MBNL2: variants seen among roughly 807,000 people sequenced by gnomAD.
MBNL2 encodes muscleblind like splicing regulator 2, also known as muscleblind-like protein 2.
MBNL2 carries 17 observed loss-of-function variants against 41.9 expected under a neutral mutation model. The ratio of observed to expected loss-of-function variants is 0.41; its 90% CI spans 0.28 to 0.61. The LOEUF (loss-of-function observed/expected upper bound fraction) is 0.61. Among genes scored for constraint, MBNL2 ranks in the 20% least tolerant of loss-of-function variants. MBNL2 has a pLI of 0.35. For synonymous variants in MBNL2, 195 were observed against 182.9 expected (o/e 1.07, Z -0.53); for missense variants, 336 against 505.6 (o/e 0.66, Z 3.22).
chr13:97,162,064 A>G, the MBNL2 span, among the ~76,000 whole-genome samples: 1 of 152,180 alleles, frequency 6.6e-6, no homozygotes, highest in Non-Finnish European at 1.5e-5. Context: ...GCAAAGAGGA[A>G]GCTGACTGGC....
At chr13:97,369,328 A>G (rs1005584518) in intron 8 of MBNL2, among the ~76,000 whole-genome samples, 1 of 152,220 alleles carries the variant, frequency 6.6e-6, no homozygotes, top group Non-Finnish European at 1.5e-5. Context: ...TTGTGAAAGG[A>G]GGAGTAGAAC....
At chr13:97,292,200 CAAAAAAAAAAA>C (rs34473435) in intron 2 of MBNL2, among the ~76,000 whole-genome samples, 1 of 69,504 alleles carries the variant, frequency 1.4e-5, no homozygotes, top group Non-Finnish European at 3.1e-5. Context: ...GACTCCATCT[CAAAAAAAAAAA>C]AAAAAAAAAA....
the MBNL2 span, among the ~76,000 whole-genome samples, chr13:97,185,793 A>AGGCTT: frequency 6.6e-6 from 1 of 152,206 alleles, no homozygotes; most frequent in Non-Finnish European, 1.5e-5. Context: ...TTAAGCCACT[A>AGGCTT]GGCTTGTGTT....
At chr13:97,387,677 A>G (rs1240254750) in intron 8 of MBNL2, among the ~76,000 whole-genome samples, 1 of 152,194 alleles carries the variant, frequency 6.6e-6, no homozygotes, top group Non-Finnish European at 1.5e-5. Context: ...GCAGAGTGAC[A>G]TCTCCAAACT....
At chr13:97,169,632 C>A in the MBNL2 span, among the ~76,000 whole-genome samples, 2 of 152,182 alleles carry the variant, frequency 1.3e-5, no homozygotes, top group Non-Finnish European at 2.9e-5. Flanking sequence ...AATAGTCTTT[C>A]GCATTTGAAG....
chr13:97,297,662 A>T (rs1417762659), intron 2 of MBNL2, among the ~76,000 whole-genome samples: 1 of 152,144 alleles, frequency 6.6e-6, no homozygotes, highest in South Asian at 2.1e-4. Flanking sequence ...AAGACGACCC[A>T]TCAGACCACT....
rs145688607 is a variant in MBNL2 at position 97,277,360 on chromosome 13, G to A, written c.174+951G>A. On this transcript the variant is annotated intron_variant, in intron 2 of 8. Coordinates refer to ENST00000679496, the MANE Select transcript of MBNL2 (RefSeq NM_001382683.1). ...AAGGCACATAGGTTAAAAGAGCTCA[G>A]TGTTTACATCTCTGCAAGACTTCAG... Among the ~76,000 whole-genome samples, 957 of 152,276 alleles carry A rather than the reference G, an allele frequency of 6.3e-3. 8 individuals are homozygous for A. The highest frequency in any genetic ancestry group is 0.022 in the African/African-American group (911 of 41,544).
chr13:97,220,051 G>C (rs1358187928), upstream of MBNL2, among the ~76,000 whole-genome samples: 1 of 152,198 alleles, frequency 6.6e-6, no homozygotes, highest in Non-Finnish European at 1.5e-5. Flanking sequence ...CAGGTTTTTA[G>C]CTCATGCAGT....
At chr13:97,184,285 G>A in the MBNL2 span, among the ~76,000 whole-genome samples, 1 of 152,068 alleles carries the variant, frequency 6.6e-6, no homozygotes, top group African/African-American at 2.4e-5. Flanking sequence ...CTTAAGTTTT[G>A]GTAAGACGTG....
At chr13:97,211,724 A>G in the MBNL2 span, among the ~76,000 whole-genome samples, 3 of 152,244 alleles carry the variant, frequency 2.0e-5, no homozygotes, top group African/African-American at 7.2e-5. Flanking sequence ...TACCCATGAC[A>G]TGATCCCTTT....
chr13:97,388,813 T>A (rs1487287864), intron 8 of MBNL2, among the ~76,000 whole-genome samples: 2 of 152,012 alleles, frequency 1.3e-5, no homozygotes, highest in Non-Finnish European at 2.9e-5. Context: ...GAAAAAAAAA[T>A]TTAATAATCA....
At chr13:97,146,873 T>C in the MBNL2 span, among the ~76,000 whole-genome samples, 1 of 152,166 alleles carries the variant, frequency 6.6e-6, no homozygotes, top group African/African-American at 2.4e-5. Context: ...AGAAAAACCA[T>C]ACTGCCATCC....
chr13:97,149,213 T>C, the MBNL2 span, among the ~76,000 whole-genome samples: 47 of 152,200 alleles, frequency 3.1e-4, no homozygotes, highest in Non-Finnish European at 5.9e-4. Flanking sequence ...CTTCCTAAGG[T>C]ACCTTCTCAC....
the MBNL2 span, among the ~76,000 whole-genome samples, chr13:97,198,633 C>G: frequency 1.3e-5 from 2 of 151,946 alleles, no homozygotes; most frequent in African/African-American, 4.8e-5. Context: ...GACTTCCCTT[C>G]CACTCATTTT....
At chr13:97,290,682 CAAAAAAA>C (rs144219795) in intron 2 of MBNL2, among the ~76,000 whole-genome samples, 1 of 114,924 alleles carries the variant, frequency 8.7e-6, no homozygotes, top group Non-Finnish European at 1.8e-5. Flanking sequence ...GACTCCGTCT[CAAAAAAA>C]AAAAAAAAAA....
rs2052265683 is a variant in MBNL2 at position 97,276,899 on chromosome 13, C to T, written c.174+490C>T. Among the ~76,000 whole-genome samples the T allele has an allele frequency of 4.0e-5, 6 of 151,536 alleles. No homozygotes were observed. The South Asian group carries it at 1.0e-3, about 26-fold the overall frequency. On this transcript the variant is annotated intron_variant, in intron 2 of 8. Coordinates refer to ENST00000679496, the MANE Select transcript of MBNL2 (RefSeq NM_001382683.1). ...TGGCTAACAGAAATTATTAAGTACA[C>T]GCTCAATACTCAATACTTGAGAATC...
At chr13:97,154,319 GT>G in the MBNL2 span, among the ~76,000 whole-genome samples, 1 of 151,852 alleles carries the variant, frequency 6.6e-6, no homozygotes, top group Non-Finnish European at 1.5e-5. Flanking sequence ...TTTGTTTTTT[GT>G]TTTTTGTTTT....
chr13:97,186,814 C>T, the MBNL2 span, among the ~76,000 whole-genome samples: 3 of 152,110 alleles, frequency 2.0e-5, no homozygotes, highest in Non-Finnish European at 4.4e-5. Context: ...TATCACAATA[C>T]AGGCATTGAT....
intron 1 of MBNL2, among the ~76,000 whole-genome samples, chr13:97,273,002 A>G (rs572845156): frequency 2.0e-5 from 3 of 152,254 alleles, no homozygotes; most frequent in Non-Finnish European, 4.4e-5. Context: ...ATAAAAATGT[A>G]CAGCATTCAC....
Sources: gnomAD v4.1 joint callset for allele counts (sites outside exome capture counted in the v4.1 genomes callset) on GRCh38, gnomAD v4.1.1 for gene constraint, MANE v1.5 for transcripts, NCBI Gene and HGNC (gene_info 2026-07-23, HGNC 2026-07-21) for gene names.